RHBDD1: variants seen among roughly 807,000 people sequenced by gnomAD.
The protein encoded by RHBDD1 is rhomboid domain containing 1, also known as rhomboid-related protein 4.
RHBDD1 carries 38 observed loss-of-function variants against 36.3 expected under a neutral mutation model. The observed-to-expected ratio is 1.05, with a 90% CI of 0.81 to 1.37. The LOEUF is 1.37. RHBDD1 is among the 40% of genes most tolerant of loss of function. The pLI, the probability that RHBDD1 is intolerant of heterozygous loss-of-function variation, is 0.00. For missense variants in RHBDD1, 393 were observed against 377.6 expected (o/e 1.04, Z -0.34); for synonymous variants, 151 against 136.5 (o/e 1.11, Z -0.74).
chr2:226,948,565 A>T (rs1441010076), intron 8 of RHBDD1, among the ~76,000 whole-genome samples: 32 of 66,064 alleles, frequency 4.8e-4, no homozygotes, highest in Admixed American at 1.3e-3. Context: ...CTTAAAGTAT[A>T]AAAAAAAAAA....
chr2:226,960,051 C>T (rs1952072015), intron 8 of RHBDD1, among the ~76,000 whole-genome samples: 1 of 152,154 alleles, frequency 6.6e-6, no homozygotes, highest in Non-Finnish European at 1.5e-5. Flanking sequence ...TCTCAAACTC[C>T]TGACCTTGTA....
chr2:226,969,925 G>T (rs980411454), intron 8 of RHBDD1, among the ~76,000 whole-genome samples: 1 of 151,942 alleles, frequency 6.6e-6, no homozygotes, highest in African/African-American at 2.4e-5. Flanking sequence ...GAACTCAGAA[G>T]GAGGGTCTGG....
At chr2:226,804,120 A>G in the RHBDD1 span, 1 of 152,222 alleles carries the variant, frequency 6.6e-6, no homozygotes, top group Non-Finnish European at 1.5e-5. Context: ...CTGAGGCTTC[A>G]TTGTATTTGG....
chr2:226,928,698 A>AG (rs1374225053), intron 8 of RHBDD1, among the ~76,000 whole-genome samples: 2 of 152,096 alleles, frequency 1.3e-5, no homozygotes, highest in Non-Finnish European at 2.9e-5. Context: ...ACAACAAAAA[A>AG]GATCATGAAA....
chr2:226,908,584 C>T (rs1948245097), intron 6 of RHBDD1: 6 of 112,496 alleles, frequency 5.3e-5, no homozygotes, highest in Non-Finnish European at 8.1e-5. Context: ...TTTTCCACTA[C>T]ACACACACAC....
At chr2:226,994,492 T>C (rs1373087633) in intron 8 of RHBDD1, among the ~76,000 whole-genome samples, 1 of 152,186 alleles carries the variant, frequency 6.6e-6, no homozygotes, top group African/African-American at 2.4e-5. Flanking sequence ...GACTTCTGGT[T>C]GATGTAGGTG....
upstream of RHBDD1, among the ~76,000 whole-genome samples, chr2:226,832,667 G>C (rs1296112626): frequency 6.6e-6 from 1 of 152,186 alleles, no homozygotes; most frequent in Non-Finnish European, 1.5e-5. Flanking sequence ...ATTTATAACT[G>C]TTATATCTTC....
the RHBDD1 span, among the ~76,000 whole-genome samples, chr2:226,829,135 A>G: frequency 6.6e-6 from 1 of 152,162 alleles, no homozygotes; most frequent in African/African-American, 2.4e-5. Flanking sequence ...CTTTGTTGAA[A>G]GACTATCCTT....
chr2:226,894,219 C>T (rs1185464244), intron 5 of RHBDD1, among the ~76,000 whole-genome samples: 2 of 152,162 alleles, frequency 1.3e-5, no homozygotes, highest in East Asian at 3.8e-4. Flanking sequence ...CTAAGGGCTA[C>T]TTTATATGTC....
the RHBDD1 span, among the ~76,000 whole-genome samples, chr2:226,803,091 T>A: frequency 6.6e-6 from 1 of 152,224 alleles, no homozygotes; most frequent in Non-Finnish European, 1.5e-5. Context: ...TACTGGCGTC[T>A]CTTAGAATTA....
chr2:226,990,188 C>T (rs545423895), intron 8 of RHBDD1, among the ~76,000 whole-genome samples: 1 of 152,206 alleles, frequency 6.6e-6, no homozygotes, highest in East Asian at 1.9e-4. Flanking sequence ...AATTGTTAGA[C>T]CTGGGGTCCC....
intron 8 of RHBDD1, among the ~76,000 whole-genome samples, chr2:226,979,392 C>G (rs780991357): frequency 6.6e-6 from 1 of 152,088 alleles, no homozygotes; most frequent in Non-Finnish European, 1.5e-5. Flanking sequence ...TTAACAGGCC[C>G]CCATCTCACC....
chr2:226,884,349 A>G (rs536008193), intron 5 of RHBDD1, among the ~76,000 whole-genome samples: 1 of 152,232 alleles, frequency 6.6e-6, no homozygotes, highest in African/African-American at 2.4e-5. Context: ...TAGTACATCA[A>G]TTATTCTGTG....
intron 8 of RHBDD1, among the ~76,000 whole-genome samples, chr2:226,993,984 G>C (rs559926609): frequency 7.0e-4 from 106 of 152,264 alleles, no homozygotes; most frequent in Non-Finnish European, 9.4e-4. Context: ...ACTGTGCTTT[G>C]CCCACCCTCC....
intron 5 of RHBDD1, among the ~76,000 whole-genome samples, chr2:226,902,386 G>A (rs12474947): frequency 0.049 from 7,533 of 152,246 alleles, 331 homozygotes; most frequent in Admixed American, 0.13. Context: ...CAGCTCAGGG[G>A]TAAAGTGCCC....
In RHBDD1 at chr2:226,945,145, GATT is replaced by G. The variant is rs60027437; in HGVS notation, c.856+30824_856+30826del. ...GGACAGTGGAAACAAGATCAAATCT[GATT>G]ATTATTATTATTATTATTATTATTA... On this transcript the variant is annotated intron_variant, in intron 8 of 8. Transcript: ENST00000392062. Among the ~76,000 whole-genome samples, 241 of 144,774 alleles carry G rather than the reference GATT, an allele frequency of 1.7e-3. 5 individuals carry two copies. Among genetic ancestry groups the G allele is most frequent in the South Asian group, 4.4e-3 (19 of 4,352 alleles). 95.0% of individuals were successfully genotyped at this position (144,774 alleles called of 152,430 possible). A position where few individuals can be genotyped will look rare whatever the true frequency, so the allele number is the denominator to read the frequency against.
intron 8 of RHBDD1, among the ~76,000 whole-genome samples, chr2:226,987,336 G>A (rs1227777619): frequency 2.6e-5 from 4 of 151,578 alleles, no homozygotes; most frequent in African/African-American, 9.7e-5. Context: ...AGAACTTAAA[G>A]TATAAAAAAA....
At chr2:226,883,144 A>T (rs561188898) in intron 5 of RHBDD1, among the ~76,000 whole-genome samples, 7 of 152,350 alleles carry the variant, frequency 4.6e-5, no homozygotes, top group African/African-American at 1.7e-4. Flanking sequence ...TTTATTTCTA[A>T]TGAGTTATAA....
intron 5 of RHBDD1, among the ~76,000 whole-genome samples, chr2:226,900,547 A>G (rs1947500836): frequency 6.6e-6 from 1 of 152,176 alleles, no homozygotes; most frequent in Non-Finnish European, 1.5e-5. Flanking sequence ...ATTTTAGGAT[A>G]TAATAATATA....
Sources: allele counts gnomAD v4.1 joint callset (sites outside exome capture counted in the v4.1 genomes callset), GRCh38; gene constraint gnomAD v4.1.1; transcripts MANE v1.5; gene names NCBI Gene and HGNC (gene_info 2026-07-23, HGNC 2026-07-21).